The following RYR3 variants were observed in gnomAD, a reference collection of about 807,000 sequenced individuals.
The protein encoded by RYR3 is ryanodine receptor 3, also known as brain ryanodine receptor-calcium release channel.
A neutral mutation model predicts 584.3 loss-of-function variants in RYR3; 207 were observed. The ratio of observed to expected loss-of-function variants is 0.35; its 90% CI spans 0.32 to 0.40. The LOEUF is 0.40. Ranked by LOEUF, RYR3 falls within the 10% of genes least tolerant of loss-of-function variation. RYR3 has a pLI of 1.00. For missense variants in RYR3, 5,616 were observed against 6,089.2 expected (o/e 0.92, Z 2.59); for synonymous variants, 2,416 against 2,248.5 (o/e 1.07, Z -2.11).
At chr15:33,684,192 C>G (rs1361949971) in intron 38 of RYR3, among the ~76,000 whole-genome samples, 1 of 152,198 alleles carries the variant, frequency 6.6e-6, no homozygotes, top group Non-Finnish European at 1.5e-5. Context: ...TCAAGTGGGT[C>G]CCTGACCCCC....
At chr15:33,490,346 G>C (rs1246597677) in intron 2 of RYR3, among the ~76,000 whole-genome samples, 1 of 152,152 alleles carries the variant, frequency 6.6e-6, no homozygotes, top group Non-Finnish European at 1.5e-5. Flanking sequence ...TTGACCTAAT[G>C]CTCTGTTTCT....
intron 38 of RYR3, among the ~76,000 whole-genome samples, chr15:33,679,971 G>A (rs2064470763): frequency 6.6e-6 from 1 of 152,186 alleles, no homozygotes. Flanking sequence ...TGGAGCTATT[G>A]AGAGTAAACA....
chr15:33,320,408 T>A (rs1053625052), intron 1 of RYR3, among the ~76,000 whole-genome samples: 1 of 152,190 alleles, frequency 6.6e-6, no homozygotes, highest in East Asian at 1.9e-4. Flanking sequence ...GGGTGTGCAT[T>A]CAACATGTAT....
intron 1 of RYR3, among the ~76,000 whole-genome samples, chr15:33,408,970 A>G (rs755939439): frequency 6.6e-6 from 1 of 152,224 alleles, no homozygotes; most frequent in Non-Finnish European, 1.5e-5. Context: ...GGGAAGTAAC[A>G]TGAAATTCAC....
At chr15:33,768,514 TC>T (rs1331879788) in intron 60 of RYR3, 143 bp from the exon 61 acceptor site, 1 of 718,776 alleles carries the variant, frequency 1.4e-6, no homozygotes, top group East Asian at 2.5e-5. Flanking sequence ...ACCAGAGGAT[TC>T]TTTGCTAGGA....
intron 1 of RYR3, among the ~76,000 whole-genome samples, chr15:33,331,310 CA>C (rs199706378): frequency 6.6e-6 from 1 of 151,804 alleles, no homozygotes; most frequent in Non-Finnish European, 1.5e-5. Flanking sequence ...GTTAAGAAGG[CA>C]AAAAAATGTG....
At chr15:33,650,763 A>G (rs936878948) in intron 31 of RYR3, among the ~76,000 whole-genome samples, 1 of 152,186 alleles carries the variant, frequency 6.6e-6, no homozygotes, top group Admixed American at 6.5e-5. Flanking sequence ...TGTATTTTCA[A>G]TCTATGTGTG....
chr15:33,453,303 G>A (rs192233999), intron 1 of RYR3, among the ~76,000 whole-genome samples: 22 of 152,258 alleles, frequency 1.4e-4, no homozygotes, highest in Non-Finnish European at 5.9e-5. Flanking sequence ...ATTTACCTCT[G>A]ATTCTGGCCC....
chr15:33,466,750 A>T lies in RYR3; in HGVS notation c.52-6669A>T, dbSNP rs548774804. On this transcript the variant is annotated intron_variant, in intron 1 of 103. Coordinates refer to ENST00000634891, the MANE Select transcript of RYR3 (RefSeq NM_001036.6). ...GATCTTTATTTTGGAATTTTTATAC[A>T]TAAGCATATTTGTTAATATAAGTAG... 5.9e-5 allele frequency among the ~76,000 whole-genome samples: 9 copies of T among 152,356 alleles called. No homozygotes were observed. In the East Asian group the frequency reaches 1.5e-3, roughly 26 times the overall value.
At chr15:33,596,103 A>C (rs1047427917) in intron 16 of RYR3, among the ~76,000 whole-genome samples, 1 of 151,258 alleles carries the variant, frequency 6.6e-6, no homozygotes, top group Non-Finnish European at 1.5e-5. Context: ...TATTTTTATA[A>C]CTTTCTTTAC....
At chr15:33,378,219 A>G (rs1324292147) in intron 1 of RYR3, among the ~76,000 whole-genome samples, 1 of 152,172 alleles carries the variant, frequency 6.6e-6, no homozygotes, top group Non-Finnish European at 1.5e-5. Flanking sequence ...GATCTGGGGG[A>G]GCCAGTCCAG....
At chr15:33,765,756 T>C (rs766420317) in intron 60 of RYR3, among the ~76,000 whole-genome samples, 18 of 152,138 alleles carry the variant, frequency 1.2e-4, no homozygotes, top group Non-Finnish European at 2.4e-4. Flanking sequence ...GGGGAGGATA[T>C]TCAACTTTGA....
intron 18 of RYR3, among the ~76,000 whole-genome samples, chr15:33,610,538 G>A (rs376259233): frequency 6.6e-6 from 1 of 152,092 alleles, no homozygotes. Context: ...ATGCAATATG[G>A]CTTTGTCAAT....
rs369581939 is a variant in RYR3 at position 33,797,926 on chromosome 15, A to G, written c.9831-2844A>G. 2.8e-4 allele frequency among the ~76,000 whole-genome samples: 43 copies of G among 152,306 alleles called. No homozygotes were observed. The South Asian group carries it at 8.9e-3, about 32-fold the overall frequency. On this transcript the variant is annotated intron_variant, in intron 67 of 103. Coordinates refer to ENST00000634891, the MANE Select transcript of RYR3 (RefSeq NM_001036.6). Reference sequence around the variant, plus strand: ...GAAAGCATTGCCAACCTCAAGCCTCAAGTTTGAATTGCATTTGGCTGCTAG... The same window carrying G: ...GAAAGCATTGCCAACCTCAAGCCTCGAGTTTGAATTGCATTTGGCTGCTAG...
intron 1 of RYR3, among the ~76,000 whole-genome samples, chr15:33,357,512 T>G (rs1974147013): frequency 6.6e-6 from 1 of 152,344 alleles, no homozygotes; most frequent in South Asian, 2.1e-4. Flanking sequence ...ATCAGAACCC[T>G]GTTCTCCAGC....
chr15:33,864,122 C>A lies in RYR3; in HGVS notation c.14466-16C>A, dbSNP rs1449309228. ...TCTTGACCAGAGTATCTAATACTAT[C>A]TTTTCCTCGTTCCAGGTTCTTTCTG... On this transcript the variant is annotated splice_polypyrimidine_tract_variant and intron_variant, in intron 102 of 103. Coordinates refer to ENST00000634891, the MANE Select transcript of RYR3 (RefSeq NM_001036.6). 7 of 1,598,938 alleles carry A rather than the reference C, an allele frequency of 4.4e-6. No individual in the cohort carries two copies. The highest frequency in any genetic ancestry group is 1.7e-4 in the Middle Eastern group (1 of 6,048).
At chr15:33,324,679 A>G (rs565653925) in intron 1 of RYR3, among the ~76,000 whole-genome samples, 12 of 152,260 alleles carry the variant, frequency 7.9e-5, no homozygotes, top group African/African-American at 2.6e-4. Flanking sequence ...TGCTTAGCAT[A>G]TAGTAGGTCT....
chr15:33,335,736 AG>A (rs1339103968), intron 1 of RYR3, among the ~76,000 whole-genome samples: 8 of 151,458 alleles, frequency 5.3e-5, no homozygotes, highest in Non-Finnish European at 1.2e-4. Flanking sequence ...AAAAAAAAAA[AG>A]ATCAGTGGAT....
At chr15:33,492,952 C>T (rs1405948569) in intron 2 of RYR3, among the ~76,000 whole-genome samples, 1 of 152,164 alleles carries the variant, frequency 6.6e-6, no homozygotes, top group Non-Finnish European at 1.5e-5. Flanking sequence ...ACAGCCTCTC[C>T]ATGGTTTGTA....
Sources: allele counts gnomAD v4.1 joint callset (sites outside exome capture counted in the v4.1 genomes callset), GRCh38; gene constraint gnomAD v4.1.1; transcripts MANE v1.5; gene names NCBI Gene and HGNC (gene_info 2026-07-23, HGNC 2026-07-21).